Variants in B3GNT2 observed in about 807,000 individuals in gnomAD.
B3GNT2 encodes UDP-GlcNAc:betaGal beta-1,3-N-acetylglucosaminyltransferase 2.
A neutral mutation model predicts 27.6 loss-of-function variants in B3GNT2; 12 were observed. The ratio of observed to expected loss-of-function variants is 0.44; its 90% CI spans 0.28 to 0.71. The LOEUF (loss-of-function observed/expected upper bound fraction) is 0.71, where lower values mean the gene tolerates loss of function less well. B3GNT2 is among the 30% of genes least tolerant of loss of function. The pLI is 0.17. For missense variants in B3GNT2, 413 were observed against 488.5 expected, an observed-to-expected ratio of 0.85 and a Z score of 1.46; for synonymous variants, 192 against 189.7, an observed-to-expected ratio of 1.01 and a Z score of -0.10.
intron 1 of B3GNT2, among the ~76,000 whole-genome samples, chr2:62,201,274 A>T (rs905505355): frequency 6.6e-6 from 1 of 152,212 alleles, no homozygotes; most frequent in Non-Finnish European, 1.5e-5. Flanking sequence ...TTTCCTCTCT[A>T]AAGACAGTCA....
At chr2:62,208,306 A>T (rs2104194800) in intron 1 of B3GNT2, among the ~76,000 whole-genome samples, 1 of 149,728 alleles carries the variant, frequency 6.7e-6, no homozygotes, top group Admixed American at 6.7e-5. Context: ...GCACTTGTAC[A>T]AGGTCACTTG....
chr2:62,207,020 T>C (rs951894995), intron 1 of B3GNT2, among the ~76,000 whole-genome samples: 3 of 152,244 alleles, frequency 2.0e-5, no homozygotes, highest in South Asian at 2.1e-4. Flanking sequence ...TGAACACTTA[T>C]TGAAGTTACA....
chr2:62,207,873 TGC>T (rs1558633034), intron 1 of B3GNT2, among the ~76,000 whole-genome samples: 1 of 152,176 alleles, frequency 6.6e-6, no homozygotes, highest in Non-Finnish European at 1.5e-5. Context: ...AGATTATTCT[TGC>T]CTGGGAAAAT....
In B3GNT2 at chr2:62,223,113, G is replaced by A. The variant is rs1210076400; in HGVS notation, c.893G>A (p.Gly298Asp). The change falls in exon 2 of 2, where the codon GGC becomes GAC. Residue 298 changes from glycine to aspartate, a missense_variant. Transcript: ENST00000301998. ...KYYIPEVVYS[G>D]LYPPYAGGGG... ...TACATCCCAGAAGTTGTTTACTCTG[G>A]CCTCTACCCACCCTATGCAGGGGGA... is the stretch of plus-strand genomic sequence containing the variant. The A allele has an allele frequency of 6.2e-7, 1 of 1,614,160 alleles. No homozygotes were observed. The highest frequency in any genetic ancestry group is 1.7e-5 in the Admixed American group (1 of 60,006).
chr2:62,206,387 G>A (rs1253640163), intron 1 of B3GNT2, among the ~76,000 whole-genome samples: 1 of 152,186 alleles, frequency 6.6e-6, no homozygotes, highest in Non-Finnish European at 1.5e-5. Context: ...ACTTGACTGT[G>A]TATCCAATTG....
intron 1 of B3GNT2, among the ~76,000 whole-genome samples, chr2:62,213,483 G>A (rs934420389): frequency 1.3e-5 from 2 of 152,100 alleles, no homozygotes; most frequent in Non-Finnish European, 2.9e-5. Context: ...GTGCAGGAGG[G>A]ATAATGGGTC....
At chr2:62,219,065 C>T (rs1052685900) in intron 1 of B3GNT2, among the ~76,000 whole-genome samples, 2 of 152,180 alleles carry the variant, frequency 1.3e-5, no homozygotes, top group Non-Finnish European at 2.9e-5. Context: ...TCCAGTTATT[C>T]ATGGCCTCTC....
chr2:62,211,886 G>C (rs1281783420), intron 1 of B3GNT2, among the ~76,000 whole-genome samples: 1 of 152,196 alleles, frequency 6.6e-6, no homozygotes, highest in Non-Finnish European at 1.5e-5. Context: ...GACCCCTGCT[G>C]TTGACTAAAG....
At chr2:62,200,561 A>AT (rs958291124) in intron 1 of B3GNT2, among the ~76,000 whole-genome samples, 2 of 152,164 alleles carry the variant, frequency 1.3e-5, no homozygotes, top group African/African-American at 2.4e-5. Context: ...TAAGATGAGG[A>AT]TTTTTTTAAC....
chr2:62,219,836 A>C (rs1186205741), intron 1 of B3GNT2, among the ~76,000 whole-genome samples: 1 of 152,190 alleles, frequency 6.6e-6, no homozygotes, highest in African/African-American at 2.4e-5. Flanking sequence ...TGGGCAGGGG[A>C]CCAGGGAGTG....
At chr2:62,208,484 A>G (rs553015100) in intron 1 of B3GNT2, among the ~76,000 whole-genome samples, 94 of 152,164 alleles carry the variant, frequency 6.2e-4, no homozygotes, top group Non-Finnish European at 1.2e-3. Flanking sequence ...TCATGTTTTT[A>G]GGTGATGTAC....
chr2:62,210,780 T>A (rs867500302), intron 1 of B3GNT2, among the ~76,000 whole-genome samples: 1,813 of 141,716 alleles, frequency 0.013, 36 homozygotes, highest in African/African-American at 0.045. Context: ...AAAAAAATAA[T>A]AATAATAATA....
At chr2:62,221,622 C>T (rs1191098916) in intron 1 of B3GNT2, among the ~76,000 whole-genome samples, 3 of 152,122 alleles carry the variant, frequency 2.0e-5, no homozygotes, top group Non-Finnish European at 2.9e-5. Context: ...GCCTGAGCAA[C>T]GTAACCAGTC....
intron 1 of B3GNT2, among the ~76,000 whole-genome samples, chr2:62,220,275 G>A (rs976465254): frequency 6.6e-6 from 1 of 152,230 alleles, no homozygotes; most frequent in Admixed American, 6.5e-5. Flanking sequence ...TAGCCTGTGA[G>A]GGTAGACGCA....
chr2:62,200,496 T>C (rs886082303), intron 1 of B3GNT2, among the ~76,000 whole-genome samples: 9 of 152,228 alleles, frequency 5.9e-5, no homozygotes, highest in African/African-American at 2.2e-4. Context: ...GTGGCTAGAT[T>C]CTGTCCGAGT....
At chr2:62,212,782 A>G (rs1471505280) in intron 1 of B3GNT2, among the ~76,000 whole-genome samples, 1 of 152,032 alleles carries the variant, frequency 6.6e-6, no homozygotes, top group East Asian at 1.9e-4. Flanking sequence ...TTTCATCTTT[A>G]TAGTTTACTC....
intron 1 of B3GNT2, among the ~76,000 whole-genome samples, chr2:62,213,859 A>G (rs1197184460): frequency 1.3e-5 from 2 of 152,152 alleles, no homozygotes; most frequent in African/African-American, 2.4e-5. Flanking sequence ...TCTGGTTTCT[A>G]CTGAACACTG....
At chr2:62,219,842 G>A (rs928740146) in intron 1 of B3GNT2, among the ~76,000 whole-genome samples, 9 of 152,216 alleles carry the variant, frequency 5.9e-5, no homozygotes, top group Admixed American at 3.9e-4. Context: ...GGGGACCAGG[G>A]AGTGGGTGCT....
intron 1 of B3GNT2, among the ~76,000 whole-genome samples, chr2:62,211,040 A>G (rs908659560): frequency 6.6e-5 from 10 of 152,108 alleles, no homozygotes; most frequent in Admixed American, 4.6e-4. Flanking sequence ...ATCAGAAACA[A>G]CTCATAAGCT....
Sources: allele counts gnomAD v4.1 joint callset (sites outside exome capture counted in the v4.1 genomes callset), GRCh38; gene constraint gnomAD v4.1.1; transcripts MANE v1.5; gene names NCBI Gene and HGNC (gene_info 2026-07-23, HGNC 2026-07-21).